The following BST1 variants were observed in gnomAD, a reference collection of about 807,000 sequenced individuals.
BST1 encodes the protein bone marrow stromal cell antigen 1.
BST1 carries 49 observed loss-of-function variants against 40.6 expected under a neutral mutation model. The observed-to-expected ratio is 1.21, with a 90% CI of 0.96 to 1.53. The LOEUF is 1.53. Ranked by LOEUF, BST1 falls within the 40% of genes most tolerant of loss-of-function variation. BST1 has a pLI of 0.00. For missense variants in BST1, 423 were observed against 395.9 expected, an observed-to-expected ratio of 1.07 and a Z score of -0.58; for synonymous variants, 157 against 159.3, an observed-to-expected ratio of 0.99 and a Z score of 0.11.
chr4:15,743,297 CA>C, downstream of BST1: 1 of 306,358 alleles, frequency 3.3e-6, no homozygotes. Flanking sequence ...ACATACCGAC[CA>C]AACAGCTAAA....
At chr4:15,761,866 C>T in the BST1 span, among the ~76,000 whole-genome samples, 1 of 151,890 alleles carries the variant, frequency 6.6e-6, no homozygotes, top group Non-Finnish European at 1.5e-5. Flanking sequence ...ACATGATTTT[C>T]GTGTTTATGT....
At chr4:15,743,964 G>A in the BST1 span, among the ~76,000 whole-genome samples, 2 of 152,210 alleles carry the variant, frequency 1.3e-5, no homozygotes, top group East Asian at 1.9e-4. Context: ...GAGAGAGGCA[G>A]TGGCTATCTC....
At chr4:15,714,859 C>T (rs1720423540) in intron 4 of BST1, among the ~76,000 whole-genome samples, 1 of 152,158 alleles carries the variant, frequency 6.6e-6, no homozygotes, top group Admixed American at 6.5e-5. Flanking sequence ...CCTTTCCTGG[C>T]AATCAGATAT....
At chr4:15,708,855 T>A (rs1720034220) in intron 3 of BST1, among the ~76,000 whole-genome samples, 1 of 152,126 alleles carries the variant, frequency 6.6e-6, no homozygotes, top group Non-Finnish European at 1.5e-5. Flanking sequence ...CACTCCAGCC[T>A]GGATGACAGA....
Position 15,715,280 on chromosome 4 carries a change from C to T in BST1, c.535-5C>T, listed in dbSNP as rs768948611. The T allele has an allele frequency of 9.3e-6, 15 of 1,613,262 alleles. No homozygotes were observed. The African/African-American group carries it at 1.1e-4, about 11-fold the overall frequency. The stretch of plus-strand genomic sequence containing the variant: ...TTTGCTAAAAATACTTGGTTCTTCT[C>T]GTAGTATTCCAAGGATAGTTCTGGG... On this transcript the variant is annotated splice_polypyrimidine_tract_variant and splice_region_variant and intron_variant, in intron 4 of 8. Coordinates refer to ENST00000265016, the MANE Select transcript of BST1 (RefSeq NM_004334.3).
In BST1 at chr4:15,712,588, C is replaced by T. The variant is rs111520831; in HGVS notation, c.534+699C>T. 3.1e-3 allele frequency among the ~76,000 whole-genome samples: 471 copies of T among 152,254 alleles called. 2 individuals are homozygous for T. Among genetic ancestry groups the T allele is most frequent in the African/African-American group, 0.011 (455 of 41,540 alleles). On this transcript the variant is annotated intron_variant, in intron 4 of 8. Transcript: ENST00000265016. ...GCCCCTTCCACCCACCACCGCCAAC[C>T]CCCTTTCAGGACTATCCATGTCTTT...
chr4:15,745,220 C>A, the BST1 span, among the ~76,000 whole-genome samples: 1 of 152,094 alleles, frequency 6.6e-6, no homozygotes, highest in Non-Finnish European at 1.5e-5. Flanking sequence ...GAAAGTATTA[C>A]TGTTTACTGT....
exon 7 of BST1, chr4:15,738,124 T>A (rs564166359): frequency 4.6e-6 from 1 of 217,648 alleles, no homozygotes; most frequent in East Asian, 1.2e-4. Flanking sequence ...TGGGTGACCA[T>A]GATGTTTCAA....
At chr4:15,739,554 CGTGTGTGTGTGTGTGTGTGTGTGT>C (rs58171340), downstream of BST1, among the ~76,000 whole-genome samples, 2 of 143,942 alleles carry the variant, frequency 1.4e-5, no homozygotes, top group Non-Finnish European at 3.0e-5. Flanking sequence ...GAAGCCAAAC[CGTGTGTGTGTGTGTGTGTGTGTGT>C]GTGTGTGTGT....
At chr4:15,753,578 C>A in the BST1 span, among the ~76,000 whole-genome samples, 2 of 152,112 alleles carry the variant, frequency 1.3e-5, no homozygotes, top group African/African-American at 4.8e-5. Flanking sequence ...AGACACAGAG[C>A]CACAAACAGT....
At chr4:15,747,916 A>G in the BST1 span, among the ~76,000 whole-genome samples, 8 of 152,156 alleles carry the variant, frequency 5.3e-5, no homozygotes, top group African/African-American at 1.7e-4. Flanking sequence ...GCCTCAAGCA[A>G]TCCTTCTTCC....
In BST1 at chr4:15,731,819, G is replaced by A. The variant is rs756717893; in HGVS notation, c.931G>A (p.Val311Met). The A allele has an allele frequency of 6.2e-7, 1 of 1,613,496 alleles. No individual in the cohort carries two copies. The highest frequency in any genetic ancestry group is 1.7e-5 in the Admixed American group (1 of 59,942). ...RAGLIIPLFL[V>M]LASRTQL The stretch of plus-strand genomic sequence containing the variant: ...GGGTCTTATCATTCCCCTCTTTCTG[G>A]TGCTGGCTTCCAGGACTCAACTGTA... Residue 311 changes from valine (V) to methionine (M), a missense_variant, in exon 9 of 9, where the codon GTG (valine) becomes ATG (methionine). Val to Met is a conservative substitution (Grantham distance 21). Coordinates refer to ENST00000265016, the MANE Select transcript of BST1 (RefSeq NM_004334.3).
intron 8 of BST1, among the ~76,000 whole-genome samples, chr4:15,723,262 C>CG (rs951378742): frequency 4.6e-5 from 7 of 151,644 alleles, no homozygotes; most frequent in Admixed American, 1.3e-4. Flanking sequence ...TTTTGGGAGG[C>CG]GGGGGGCAGA....
the BST1 span, among the ~76,000 whole-genome samples, chr4:15,766,958 T>C: frequency 1.3e-5 from 2 of 151,800 alleles, no homozygotes; most frequent in Non-Finnish European, 2.9e-5. Flanking sequence ...AGTGCCCATG[T>C]CCCACTGCCG....
chr4:15,732,084 T>A lies in BST1; in HGVS notation c.*239T>A. 1 of 1,226,264 alleles carries A rather than the reference T, an allele frequency of 8.2e-7. No individual in the cohort carries two copies. The highest frequency in any genetic ancestry group is 1.0e-6 in the Non-Finnish European group (1 of 981,832). The allele number at this position is 1,226,264 out of a possible 1,614,324, so 76.0% of individuals were successfully genotyped here. On this transcript the variant is annotated 3_prime_UTR_variant, in exon 9 of 9. Transcript: ENST00000265016. ...GAATTAAAGCAAGTTATTTTCTTAT[T>A]TGTATAATGACACAAAGCATTGGGA... is the stretch of plus-strand genomic sequence containing the variant.
the BST1 span, among the ~76,000 whole-genome samples, chr4:15,768,804 G>A: frequency 2.0e-5 from 3 of 152,094 alleles, no homozygotes; most frequent in Non-Finnish European, 4.4e-5. Flanking sequence ...CCGATGGACA[G>A]TATCTTTAAT....
At chr4:15,763,318 T>C in the BST1 span, among the ~76,000 whole-genome samples, 1 of 151,752 alleles carries the variant, frequency 6.6e-6, no homozygotes, top group Admixed American at 6.5e-5. Context: ...AAAATATGTA[T>C]CATATAATGT....
chr4:15,757,327 A>G, the BST1 span, among the ~76,000 whole-genome samples: 1 of 152,260 alleles, frequency 6.6e-6, no homozygotes, highest in African/African-American at 2.4e-5. Flanking sequence ...TTTAATTCAC[A>G]GCCATGCCAA....
At chr4:15,770,924 A>G in the BST1 span, among the ~76,000 whole-genome samples, 1 of 152,246 alleles carries the variant, frequency 6.6e-6, no homozygotes, top group Admixed American at 6.5e-5. Flanking sequence ...TGTCCTTCAG[A>G]GAAGCTTTAC....
Sources: allele counts gnomAD v4.1 joint callset (sites outside exome capture counted in the v4.1 genomes callset), GRCh38; gene constraint gnomAD v4.1.1; transcripts MANE v1.5; gene names NCBI Gene and HGNC (gene_info 2026-07-23, HGNC 2026-07-21).